The following PDZD2 variants were observed in gnomAD, a reference collection of about 807,000 sequenced individuals.
The protein encoded by PDZD2 is PDZ domain containing 2, also known as PDZ domain-containing protein 2.
PDZD2 carries 90 observed loss-of-function variants against 220.7 expected under a neutral mutation model. The ratio of observed to expected loss-of-function variants is 0.41; its 90% CI spans 0.34 to 0.49. The LOEUF is 0.49. Among genes scored for constraint, PDZD2 ranks in the 20% least tolerant of loss-of-function variants. The probability of loss-of-function intolerance (pLI) is 0.28; values close to 1 mark genes in which losing one functional copy is unlikely to be tolerated. For missense variants in PDZD2, 3,174 were observed against 3,608.5 expected (o/e 0.88, Z 3.08); for synonymous variants, 1,375 against 1,450.5 (o/e 0.95, Z 1.18).
intron 2 of PDZD2, among the ~76,000 whole-genome samples, chr5:31,828,254 G>A (rs1181492424): frequency 6.6e-6 from 1 of 152,114 alleles, no homozygotes; most frequent in Non-Finnish European, 1.5e-5. Flanking sequence ...GTAACTTTTT[G>A]AGAAATCTCC....
At chr5:31,973,497 G>C (rs1749487420) in intron 2 of PDZD2, among the ~76,000 whole-genome samples, 1 of 152,156 alleles carries the variant, frequency 6.6e-6, no homozygotes, top group Non-Finnish European at 1.5e-5. Context: ...AACTACCTCT[G>C]CTTCAGCACA....
chr5:31,827,715 A>AAGTAAAAAG lies in PDZD2; in HGVS notation c.476+27991_476+27992insAGTAAAAAG, dbSNP rs59061500. ...TCAAAAAAAATAAATAAATAAAAAA[A>AAGTAAAAAG]TAAAAATAATTTTAAAATGGCTTTA... On this transcript the variant is annotated intron_variant, in intron 2 of 24. Transcript: ENST00000438447. Among the ~76,000 whole-genome samples, 5 of 147,614 alleles carry AAGTAAAAAG rather than the reference A, an allele frequency of 3.4e-5. 1 individual carries two copies. The highest frequency in any genetic ancestry group is 3.0e-5 in the Non-Finnish European group (2 of 66,818).
At position 32,010,394 on chromosome 5, in the gene PDZD2, TAGA is replaced by T; in HGVS notation, c.1323_1325del (p.Glu441del). 6.2e-7 allele frequency: 1 copy of T among 1,611,452 alleles called. No homozygotes were observed. Among genetic ancestry groups the T allele is most frequent in the Non-Finnish European group, 8.5e-7 (1 of 1,177,646 alleles). ...AGCTTGCCAGATCTGACCAGCTCGG[TAGA>T]AGATGTGTCCTCCTGGACTGATAAC... On this transcript the variant is annotated inframe_deletion, in exon 6 of 25. Transcript: ENST00000438447.
intron 1 of PDZD2, chr5:31,747,906 G>A (rs1276488856): frequency 1.3e-5 from 2 of 152,208 alleles, no homozygotes; most frequent in Admixed American, 6.5e-5. Flanking sequence ...CCTGTTGACG[G>A]AGCATGAGAG....
rs192920372 is a variant in PDZD2, at chr5:31,924,309, A to G, written c.477-58846A>G. Among the ~76,000 whole-genome samples the G allele has an allele frequency of 5.9e-5, 9 of 152,306 alleles. No individual in the cohort carries two copies. The East Asian group carries it at 1.2e-3, about 20-fold the overall frequency. ...TTGTTCTCCCTGCTGTGCGGTGCCA[A>G]TTAGGTGGACTGTGCTAGAATGTAA... On this transcript the variant is annotated intron_variant, in intron 2 of 24. Transcript: ENST00000438447.
chr5:32,007,554 A>G (rs1752929616), intron 5 of PDZD2, among the ~76,000 whole-genome samples: 1 of 152,230 alleles, frequency 6.6e-6, no homozygotes, highest in Non-Finnish European at 1.5e-5. Context: ...GGTGGAACCA[A>G]CGTGAAACTA....
rs1225872118 is a variant in PDZD2 at position 32,083,662 on chromosome 5, G to C, written c.3683-3469G>C. On this transcript the variant is annotated intron_variant, in intron 19 of 24. Transcript: ENST00000438447. The surrounding 1 kb of genome is among the most constrained non-coding windows in gnomAD (Gnocchi z 4.1). The stretch of plus-strand genomic sequence containing the variant: ...TGAATTGCCTGTTTAGGTTTATTCA[G>C]TGAGCGAATATGAAATTTGTTTATT... The C allele has an allele frequency of 6.6e-6, 1 of 152,104 alleles. No individual in the cohort carries two copies. The highest frequency in any genetic ancestry group is 2.4e-5 in the African/African-American group (1 of 41,420). The allele number at this position is 152,104 out of a possible 1,614,324, so 9.4% of individuals were successfully genotyped here.
chr5:31,838,484 T>C (rs552698624), intron 2 of PDZD2, among the ~76,000 whole-genome samples: 35 of 152,352 alleles, frequency 2.3e-4, no homozygotes, highest in African/African-American at 7.9e-4. Context: ...AAGATTTTGA[T>C]AATTAACCTT....
At position 32,002,851 on chromosome 5, in the gene PDZD2, AAC is replaced by A. The variant is rs760699300; in HGVS notation, c.1254+2591_1254+2592del. On this transcript the variant is annotated intron_variant, in intron 5 of 24. Coordinates refer to ENST00000438447, the MANE Select transcript of PDZD2 (RefSeq NM_178140.4). The stretch of plus-strand genomic sequence containing the variant: ...TACATACCAACACACACCACACACC[AAC>A]ACACACACACCCCACATACCACACA... Among the ~76,000 whole-genome samples, 29 of 91,838 alleles carry A rather than the reference AAC, an allele frequency of 3.2e-4. 1 individual carries two copies. Among genetic ancestry groups the A allele is most frequent in the Admixed American group, 6.2e-4 (5 of 8,030 alleles). The allele number at this position is 91,838 out of a possible 152,430, so 60.2% of individuals were successfully genotyped here.
At chr5:31,885,829 G>GA (rs1458072515) in intron 2 of PDZD2, among the ~76,000 whole-genome samples, 1 of 151,952 alleles carries the variant, frequency 6.6e-6, no homozygotes, top group Non-Finnish European at 1.5e-5. Context: ...ATTATCTTGG[G>GA]AAAAGAGAGT....
intron 7 of PDZD2, 83 bp from the exon 8 acceptor site, chr5:32,048,456 A>G: frequency 8.5e-7 from 1 of 1,182,152 alleles, no homozygotes. Context: ...GTGGGTGTAA[A>G]TACAATGAGT....
At chr5:31,900,369 A>G (rs750533182) in intron 2 of PDZD2, among the ~76,000 whole-genome samples, 9 of 152,246 alleles carry the variant, frequency 5.9e-5, no homozygotes, top group Non-Finnish European at 1.2e-4. Flanking sequence ...ATTTACATGT[A>G]GACCAAATTG....
At chr5:32,001,395 G>A (rs951807987) in intron 5 of PDZD2, among the ~76,000 whole-genome samples, 1 of 152,182 alleles carries the variant, frequency 6.6e-6, no homozygotes, top group Non-Finnish European at 1.5e-5. Flanking sequence ...TGGAGCTGGA[G>A]GAGGCGCTGT....
chr5:32,086,322 G>A (rs1012252536), intron 19 of PDZD2, among the ~76,000 whole-genome samples: 5 of 152,190 alleles, frequency 3.3e-5, no homozygotes, highest in African/African-American at 4.8e-5. Flanking sequence ...CTGCATCCAC[G>A]CAGGAGTAGG....
intron 15 of PDZD2, 151 bp downstream of exon 15, chr5:32,069,801 C>T (rs1740588798): frequency 1.7e-6 from 1 of 599,176 alleles, no homozygotes; most frequent in Non-Finnish European, 3.0e-6. Context: ...TTTCTCTTGG[C>T]TGTTAGTTTT....
At chr5:32,005,218 A>G (rs965680208) in intron 5 of PDZD2, among the ~76,000 whole-genome samples, 1 of 152,236 alleles carries the variant, frequency 6.6e-6, no homozygotes, top group African/African-American at 2.4e-5. Context: ...AAAAACAAAA[A>G]TGTAAACTAT....
intron 1 of PDZD2, among the ~76,000 whole-genome samples, chr5:31,748,858 A>G (rs528840110): frequency 4.5e-4 from 69 of 152,300 alleles, no homozygotes; most frequent in Non-Finnish European, 8.8e-4. Flanking sequence ...GGGCATTGCA[A>G]TTCCAGTGGG....
At chr5:32,037,765 C>CAG (rs1673823967) in intron 7 of PDZD2, among the ~76,000 whole-genome samples, 1 of 152,056 alleles carries the variant, frequency 6.6e-6, no homozygotes, top group African/African-American at 2.4e-5. Context: ...GGCCTGGGCC[C>CAG]AGAGAGAGAA....
intron 1 of PDZD2, among the ~76,000 whole-genome samples, chr5:31,655,624 C>T (rs1407483790): frequency 6.6e-6 from 1 of 151,664 alleles, no homozygotes; most frequent in African/African-American, 2.4e-5. Context: ...TAGAACAATA[C>T]TTGGCTTATA....
Sources: gnomAD v4.1 joint callset for allele counts (sites outside exome capture counted in the v4.1 genomes callset) on GRCh38, gnomAD v4.1.1 for gene constraint, Gnocchi (gnomAD v3.1) non-coding constraint, MANE v1.5 for transcripts, NCBI Gene and HGNC (gene_info 2026-07-23, HGNC 2026-07-21) for gene names.